Variants in ZFR observed in about 807,000 individuals in gnomAD.
ZFR encodes zinc finger RNA-binding protein.
Under a neutral mutation model 130.7 loss-of-function variants are expected in ZFR, and 19 were observed. That is an observed-to-expected ratio of 0.15 (90% CI 0.10 to 0.21). The LOEUF is 0.21. Among genes scored for constraint, ZFR ranks in the 10% least tolerant of loss-of-function variants. ZFR has a pLI of 1.00. For missense variants in ZFR, 872 were observed against 1,321.5 expected (o/e 0.66, Z 5.27); for synonymous variants, 466 against 456.9 (o/e 1.02, Z -0.25).
chr5:32,396,468 C>T (rs984174992), intron 10 of ZFR, among the ~76,000 whole-genome samples: 2 of 151,658 alleles, frequency 1.3e-5, no homozygotes, highest in East Asian at 2.0e-4. Flanking sequence ...AGGCCAGGCA[C>T]GGTGGCTCAC....
At chr5:32,370,083 T>C (rs1039068323) in intron 17 of ZFR, among the ~76,000 whole-genome samples, 2 of 148,578 alleles carry the variant, frequency 1.3e-5, no homozygotes, top group African/African-American at 5.0e-5. Flanking sequence ...ATCAATACAG[T>C]GGCAGATTTT....
At chr5:32,373,201 T>C (rs1752716301) in intron 17 of ZFR, among the ~76,000 whole-genome samples, 1 of 152,164 alleles carries the variant, frequency 6.6e-6, no homozygotes, top group Non-Finnish European at 1.5e-5. Context: ...AAGACCAGCC[T>C]GGCCAACATG....
At chr5:32,419,558 G>T (rs548603174) in intron 3 of ZFR, among the ~76,000 whole-genome samples, 6 of 152,218 alleles carry the variant, frequency 3.9e-5, no homozygotes, top group African/African-American at 1.4e-4. Context: ...CGCTGGTCTT[G>T]AACTCCTGAC....
intron 8 of ZFR, 56 bp from the exon 9 acceptor site, chr5:32,400,259 CTGA>C: frequency 1.6e-6 from 2 of 1,275,266 alleles, no homozygotes; most frequent in Non-Finnish European, 2.1e-6. Flanking sequence ...ATATATATAC[CTGA>C]TAAGACGAAA....
chr5:32,421,281 T>C (rs1040826542), intron 2 of ZFR, among the ~76,000 whole-genome samples: 2 of 152,028 alleles, frequency 1.3e-5, no homozygotes, highest in Non-Finnish European at 2.9e-5. Context: ...CACATTTTAG[T>C]ATGAGCCAAC....
intron 2 of ZFR, among the ~76,000 whole-genome samples, chr5:32,432,948 G>A (rs1214635193): frequency 6.6e-6 from 1 of 150,510 alleles, no homozygotes; most frequent in African/African-American, 2.4e-5. Flanking sequence ...TACCCAGGCT[G>A]GTCTCAAACT....
chr5:32,395,424 TAG>T (rs1753281033), intron 10 of ZFR, 120 bp from the exon 11 acceptor site: 1 of 702,750 alleles, frequency 1.4e-6, no homozygotes. Context: ...AGTTTCCCAC[TAG>T]AGAGTAAAAT....
At position 32,379,220 on chromosome 5, in the gene ZFR, A is replaced by C; in HGVS notation, c.2740-10T>G. On this transcript the variant is annotated splice_polypyrimidine_tract_variant and intron_variant, in intron 16 of 19. Coordinates refer to ENST00000265069, the MANE Select transcript of ZFR (RefSeq NM_016107.5). ...GACCATTAGCTCTAGCCTTGAGAGC[A>C]ACATAAAAACCAATTGAATTAATCT... The C allele has an allele frequency of 6.2e-7, 1 of 1,608,210 alleles. No homozygotes were observed. Among genetic ancestry groups the C allele is most frequent in the Non-Finnish European group, 8.5e-7 (1 of 1,174,638 alleles).
At position 32,390,264 on chromosome 5, in the gene ZFR, T is replaced by G. The variant is rs1247942452; in HGVS notation, c.2142+11A>C. 6.2e-7 allele frequency: 1 copy of G among 1,608,738 alleles called. No individual in the cohort carries two copies. Among genetic ancestry groups the G allele is most frequent in the Non-Finnish European group, 8.5e-7 (1 of 1,175,994 alleles). Reference sequence around the variant, plus strand: ...ACTTTCACCCCTTGTATCACCAACGTGGACACTCACTGCAGGCCCCTGAGG... The same window carrying G: ...ACTTTCACCCCTTGTATCACCAACGGGGACACTCACTGCAGGCCCCTGAGG... On this transcript the variant is annotated intron_variant, in intron 12 of 19. Transcript: ENST00000265069.
At chr5:32,433,119 G>A (rs1042470213) in intron 2 of ZFR, among the ~76,000 whole-genome samples, 7 of 151,652 alleles carry the variant, frequency 4.6e-5, no homozygotes, top group African/African-American at 1.2e-4. Context: ...ACAGGGGAGC[G>A]AGGTGGTTAA....
At chr5:32,416,179 A>G (rs888890504) in intron 4 of ZFR, among the ~76,000 whole-genome samples, 2 of 152,228 alleles carry the variant, frequency 1.3e-5, no homozygotes, top group South Asian at 4.1e-4. Flanking sequence ...CAAGAGCTAA[A>G]CAACTTACAC....
At chr5:32,365,744 GGAC>G (rs1752527517) in intron 17 of ZFR, among the ~76,000 whole-genome samples, 1 of 151,534 alleles carries the variant, frequency 6.6e-6, no homozygotes, top group Non-Finnish European at 1.5e-5. Flanking sequence ...TGTACGACTG[GGAC>G]AACAGGCGCA....
intron 17 of ZFR, among the ~76,000 whole-genome samples, chr5:32,371,704 T>A (rs898038111): frequency 5.3e-5 from 8 of 152,010 alleles, no homozygotes; most frequent in African/African-American, 1.7e-4. Context: ...CCTGAAGACT[T>A]TGAAAACCAG....
At chr5:32,397,182 T>C (rs567242649) in intron 10 of ZFR, 37 bp downstream of exon 10, 4 of 1,561,252 alleles carry the variant, frequency 2.6e-6, no homozygotes, top group South Asian at 2.5e-5. Flanking sequence ...TTTTTGTTTT[T>C]TGTTTTAAAG....
At chr5:32,403,038 T>TA in intron 8 of ZFR, 68 bp downstream of exon 8, 1 of 1,492,894 alleles carries the variant, frequency 6.7e-7, no homozygotes, top group Non-Finnish European at 9.2e-7. Context: ...GGAGAAGGGT[T>TA]AGTGCTGCAA....
At chr5:32,413,365 G>C (rs1753753452) in intron 5 of ZFR, among the ~76,000 whole-genome samples, 2 of 152,090 alleles carry the variant, frequency 1.3e-5, no homozygotes, top group South Asian at 4.1e-4. Flanking sequence ...TAAGACAAAT[G>C]CATTTTTATA....
chr5:32,358,178 G>A (rs1245157908), intron 19 of ZFR, among the ~76,000 whole-genome samples: 1 of 152,204 alleles, frequency 6.6e-6, no homozygotes, highest in African/African-American at 2.4e-5. Flanking sequence ...CCAACATGGT[G>A]TAACCCCATC....
At position 32,388,810 on chromosome 5, in the gene ZFR, C is replaced by T. The variant is rs1336557638; in HGVS notation, c.2143-136G>A. The T allele has an allele frequency of 3.0e-5, 25 of 830,878 alleles. No individual in the cohort carries two copies. The Middle Eastern group carries it at 1.0e-3, about 34-fold the overall frequency. 51.5% of individuals were successfully genotyped at this position (830,878 alleles called of 1,614,324 possible). A position where few individuals can be genotyped will look rare whatever the true frequency, so the allele number is the denominator to read the frequency against. The stretch of plus-strand genomic sequence containing the variant: ...CTTCTTTTTTCCATTTCAGTAAAAA[C>T]GAAAATGCAAACTATGGAAAGTTAT... On this transcript the variant is annotated intron_variant, in intron 12 of 19. Transcript: ENST00000265069.
At chr5:32,397,921 G>C (rs1452579182) in intron 9 of ZFR, among the ~76,000 whole-genome samples, 4 of 130,852 alleles carry the variant, frequency 3.1e-5, no homozygotes, top group Non-Finnish European at 6.2e-5. Context: ...GCAGTGGTGC[G>C]ATCTCGGCTC....
Sources: gnomAD v4.1 joint callset for allele counts (sites outside exome capture counted in the v4.1 genomes callset) on GRCh38, gnomAD v4.1.1 for gene constraint, MANE v1.5 for transcripts, NCBI Gene and HGNC (gene_info 2026-07-23, HGNC 2026-07-21) for gene names.